Variants in NDRG2 observed in about 807,000 individuals in gnomAD.
The protein encoded by NDRG2 is NDRG family member 2, also known as protein NDRG2.
In NDRG2, 34 loss-of-function variants were observed where a neutral mutation model predicts 58.2. That is an observed-to-expected ratio of 0.58 (90% CI 0.44 to 0.78). The LOEUF (loss-of-function observed/expected upper bound fraction) is 0.78, where lower values mean the gene tolerates loss of function less well. NDRG2 is among the 30% of genes least tolerant of loss of function. NDRG2 has a pLI of 0.00. For synonymous variants in NDRG2, 187 were observed against 175.9 expected, an observed-to-expected ratio of 1.06 and a Z score of -0.50; for missense variants, 434 against 471.2, an observed-to-expected ratio of 0.92 and a Z score of 0.73.
At chr14:21,057,889 A>C (rs764921657) in intron 1 of NDRG2, 2 of 1,612,934 alleles carry the variant, frequency 1.2e-6, no homozygotes, top group South Asian at 2.2e-5. Flanking sequence ...CTCCCTTAAG[A>C]GAGATGGCAC....
intron 1 of NDRG2, among the ~76,000 whole-genome samples, chr14:21,054,043 C>T (rs1452510173): frequency 6.6e-6 from 1 of 152,142 alleles, no homozygotes; most frequent in Admixed American, 6.5e-5. Flanking sequence ...CTGAGTTGTA[C>T]TCTCAGGGGT....
intron 1 of NDRG2, among the ~76,000 whole-genome samples, chr14:21,062,835 A>G (rs371445082): frequency 6.6e-6 from 1 of 150,820 alleles, no homozygotes; most frequent in South Asian, 2.1e-4. Flanking sequence ...TCCACCTCCC[A>G]GGTTCCAGTG....
At chr14:21,067,606 T>A (rs1256763424) in intron 1 of NDRG2, among the ~76,000 whole-genome samples, 1 of 152,214 alleles carries the variant, frequency 6.6e-6, no homozygotes, top group Admixed American at 6.5e-5. Flanking sequence ...CCAAAGAGTC[T>A]TAAATGGGTG....
chr14:21,043,971 A>G (rs1885030433), intron 1 of NDRG2: 1 of 170,052 alleles, frequency 5.9e-6, no homozygotes, highest in Non-Finnish European at 1.4e-5. Flanking sequence ...TGCCTTCTTT[A>G]TGGATGAGGA....
intron 1 of NDRG2, chr14:21,034,770 G>T (rs563648604): frequency 6.4e-6 from 1 of 156,880 alleles, no homozygotes; most frequent in South Asian, 2.0e-4. Flanking sequence ...GGCTAGAAAG[G>T]TTTCTAGGTA....
Position 21,022,851 on chromosome 14 carries a change from C to G in NDRG2, c.117+13G>C, listed in dbSNP as rs752303732. On this transcript the variant is annotated intron_variant, in intron 3 of 15. Transcript: ENST00000556147. ...CCCCTCCTCCCACCTTGGGACTGCC[C>G]CCACACTGTTACCTGTCCCTGGTCC... is the stretch of plus-strand genomic sequence containing the variant. 1 of 1,613,200 alleles carries G rather than the reference C, an allele frequency of 6.2e-7. No homozygotes were observed. Among genetic ancestry groups the G allele is most frequent in the Admixed American group, 1.7e-5 (1 of 59,942 alleles).
At position 21,031,218 on chromosome 14, in the gene NDRG2, C is replaced by G. The variant is rs756100655; in HGVS notation, c.25-7897G>C. ...CCTACTTCCCTAAATCCCCATTGTTCCAGTCTACCCTCCCTAACCCTGCCA... is the reference window on the plus strand; with the variant it reads ...CCTACTTCCCTAAATCCCCATTGTTGCAGTCTACCCTCCCTAACCCTGCCA... On this transcript the variant is annotated intron_variant, in intron 1 of 14. Coordinates refer to the NDRG2 transcript ENST00000403829. The G allele has an allele frequency of 2.5e-6, 4 of 1,588,578 alleles. No individual in the cohort carries two copies. The South Asian group carries it at 3.5e-5, about 14-fold the overall frequency.
chr14:21,051,121 C>T (rs909633310), intron 1 of NDRG2, among the ~76,000 whole-genome samples: 2 of 152,230 alleles, frequency 1.3e-5, no homozygotes, highest in African/African-American at 4.8e-5. Context: ...CCTCTGCACA[C>T]ATCTGTGTTC....
intron 1 of NDRG2, among the ~76,000 whole-genome samples, chr14:21,040,223 A>C (rs1039114471): frequency 2.0e-5 from 3 of 152,224 alleles, no homozygotes; most frequent in African/African-American, 7.2e-5. Context: ...GCTGAGGACA[A>C]ACCAGAAGAG....
intron 1 of NDRG2, chr14:21,036,380 G>T (rs1448735932): frequency 4.9e-6 from 2 of 405,502 alleles, no homozygotes; most frequent in South Asian, 3.6e-5. Flanking sequence ...ATTGGAAGAA[G>T]AATTGTCTTG....
upstream of NDRG2, among the ~76,000 whole-genome samples, chr14:21,027,434 C>T (rs1268333454): frequency 6.6e-6 from 1 of 152,222 alleles, no homozygotes; most frequent in African/African-American, 2.4e-5. Flanking sequence ...GACATTTTGA[C>T]ATTTGTCAAG....
At chr14:21,040,160 G>C (rs781021723) in intron 1 of NDRG2, among the ~76,000 whole-genome samples, 6 of 152,168 alleles carry the variant, frequency 3.9e-5, no homozygotes, top group Non-Finnish European at 7.3e-5. Flanking sequence ...AGCCTGCAAA[G>C]TTTGGGATAC....
chr14:21,017,051 C>A lies in NDRG2; in HGVS notation c.*545G>T, dbSNP rs117084728. ...CACTGCCCGCCAACTCCCATTCCAACTTCCTTTTTACACTGGATGTTTCTA... is the reference window on the plus strand; with the variant it reads ...CACTGCCCGCCAACTCCCATTCCAAATTCCTTTTTACACTGGATGTTTCTA... On this transcript the variant is annotated 3_prime_UTR_variant, in exon 16 of 16. Coordinates refer to ENST00000556147, the MANE Select transcript of NDRG2 (RefSeq NM_001320329.2). 492 of 454,610 alleles carry A rather than the reference C, an allele frequency of 1.1e-3. 4 individuals are homozygous for A. The East Asian group carries it at 0.026, about 24-fold the overall frequency. 28.2% of individuals were successfully genotyped at this position (454,610 alleles called of 1,614,324 possible).
At chr14:21,036,155 CCAAG>C (rs1326765198) in intron 1 of NDRG2, 1 of 455,778 alleles carries the variant, frequency 2.2e-6, no homozygotes, top group Admixed American at 2.4e-5. Context: ...TAAACTTTTC[CCAAG>C]CCCATCTCTT....
intron 1 of NDRG2, among the ~76,000 whole-genome samples, chr14:21,049,185 C>T (rs1169026908): frequency 6.6e-6 from 1 of 152,152 alleles, no homozygotes; most frequent in South Asian, 2.1e-4. Context: ...GTGACATTTC[C>T]AACTTCCCCT....
intron 1 of NDRG2, 48 bp from the exon 2 acceptor site, chr14:21,023,369 C>T: frequency 6.6e-7 from 1 of 1,522,572 alleles, no homozygotes; most frequent in Non-Finnish European, 9.0e-7. Flanking sequence ...TACATCCCCA[C>T]ATCGCCTCAA....
intron 1 of NDRG2, among the ~76,000 whole-genome samples, chr14:21,060,450 G>C (rs1237763009): frequency 1.3e-5 from 2 of 152,134 alleles, no homozygotes; most frequent in African/African-American, 4.8e-5. Flanking sequence ...TTGCGGGCAG[G>C]CTCCACTTCC....
intron 1 of NDRG2, chr14:21,034,638 A>C: frequency 4.2e-6 from 1 of 236,626 alleles, no homozygotes; most frequent in Non-Finnish European, 8.2e-6. Flanking sequence ...GCAGAGAAGA[A>C]AGAAGGAGCA....
At chr14:21,063,839 A>C (rs934193125) in intron 1 of NDRG2, among the ~76,000 whole-genome samples, 1 of 152,228 alleles carries the variant, frequency 6.6e-6, no homozygotes, top group Non-Finnish European at 1.5e-5. Flanking sequence ...AAGCTCTCTC[A>C]TTATGCTTAA....
Sources: gnomAD v4.1 joint callset for allele counts (sites outside exome capture counted in the v4.1 genomes callset) on GRCh38, gnomAD v4.1.1 for gene constraint, MANE v1.5 for transcripts, NCBI Gene and HGNC (gene_info 2026-07-23, HGNC 2026-07-21) for gene names.